The following POLR2F variants were observed in gnomAD, a reference collection of about 807,000 sequenced individuals.
The protein encoded by POLR2F is RNA polymerase II, I and III subunit F.
In POLR2F, 12 loss-of-function variants were observed where a neutral mutation model predicts 22.7. The observed-to-expected ratio is 0.53, with a 90% CI of 0.34 to 0.86. The LOEUF (loss-of-function observed/expected upper bound fraction) is 0.86. Ranked by LOEUF, POLR2F falls within the 40% of genes least tolerant of loss-of-function variation. The pLI, the probability that POLR2F is intolerant of heterozygous loss-of-function variation, is 0.02. For synonymous variants in POLR2F, 57 were observed against 66.0 expected (o/e 0.86, Z 0.66); for missense variants, 126 against 171.5 (o/e 0.73, Z 1.48).
At chr22:37,961,281 C>CTCAGCCTCAAGTGATTCT (rs1237891125) in intron 3 of POLR2F, among the ~76,000 whole-genome samples, 1 of 152,128 alleles carries the variant, frequency 6.6e-6, no homozygotes, top group East Asian at 1.9e-4. Flanking sequence ...TGGTCTTGAA[C>CTCAGCCTCAAGTGATTCT]TCAGCCTCAA....
At chr22:37,963,983 T>A (rs1931751745) in intron 3 of POLR2F, among the ~76,000 whole-genome samples, 1 of 151,706 alleles carries the variant, frequency 6.6e-6, no homozygotes, top group Non-Finnish European at 1.5e-5. Context: ...GCGCCTATAA[T>A]CCCAGCTACT....
chr22:37,983,199 G>C (rs976544962), upstream of POLR2F, among the ~76,000 whole-genome samples: 2 of 152,244 alleles, frequency 1.3e-5, no homozygotes, highest in African/African-American at 4.8e-5. The surrounding 1 kb of genome is among the most constrained non-coding windows in gnomAD (Gnocchi z 9.5). Flanking sequence ...CCTTGTGATG[G>C]AAGGGCGGGC....
downstream of POLR2F, chr22:37,970,934 G>A (rs889254718): frequency 2.3e-5 from 6 of 261,412 alleles, no homozygotes; most frequent in Admixed American, 1.0e-4. Context: ...TCGGGGTTTC[G>A]GTTACCATCC....
At chr22:37,986,018 TC>T, upstream of POLR2F, 2 of 780,858 alleles carry the variant, frequency 2.6e-6, no homozygotes, top group East Asian at 5.8e-5. The surrounding 1 kb of genome is among the most constrained non-coding windows in gnomAD (Gnocchi z 4.7). Context: ...CCAACCCTCC[TC>T]CCCCCGCCTC....
intron 1 of POLR2F, among the ~76,000 whole-genome samples, chr22:38,009,455 C>G (rs1182537126): frequency 1.3e-5 from 2 of 152,242 alleles, no homozygotes; most frequent in Non-Finnish European, 2.9e-5. Flanking sequence ...GAGAAGTACA[C>G]AGTTTCCTGG....
chr22:37,998,527 C>T (rs2084738679), intron 1 of POLR2F, among the ~76,000 whole-genome samples: 1 of 152,230 alleles, frequency 6.6e-6, no homozygotes. Context: ...TTGGGGTGGT[C>T]CTGCTGTCCC....
intron 1 of POLR2F, among the ~76,000 whole-genome samples, chr22:38,023,878 G>A (rs1039777117): frequency 3.6e-5 from 5 of 138,504 alleles, no homozygotes; most frequent in Admixed American, 8.0e-5. Context: ...TTCTCACTGC[G>A]TTGCCCAGGC....
intron 1 of POLR2F, among the ~76,000 whole-genome samples, chr22:38,019,665 C>A (rs185407001): frequency 5.9e-5 from 9 of 152,344 alleles, no homozygotes; most frequent in African/African-American, 2.2e-4. Flanking sequence ...AGGTGGCATT[C>A]CCTCCTCACG....
At chr22:37,967,029 A>G in intron 3 of POLR2F, 70 bp from the exon 4 acceptor site, 1 of 1,156,280 alleles carries the variant, frequency 8.6e-7, no homozygotes, top group Non-Finnish European at 1.2e-6. Flanking sequence ...ATGCCGTTCC[A>G]CCCTCACTGC....
chr22:38,021,782 C>T (rs1292566283), intron 1 of POLR2F, among the ~76,000 whole-genome samples: 1 of 151,832 alleles, frequency 6.6e-6, no homozygotes, highest in Admixed American at 6.6e-5. Context: ...GCGTCCTTCT[C>T]AGTAAAAATG....
chr22:37,983,743 G>C (rs530570020), upstream of POLR2F: 2 of 1,484,230 alleles, frequency 1.3e-6, no homozygotes, highest in Non-Finnish European at 1.8e-6. This position sits in a 1 kb window ranked among gnomAD's most constrained non-coding sequence, Gnocchi z 9.5. Context: ...CCGAGCCCAC[G>C]GGGCTCAGCT....
Position 38,023,982 on chromosome 22 carries a change from T to C in POLR2F, c.121-1887T>C, listed in dbSNP as rs190021228. 6.6e-5 allele frequency among the ~76,000 whole-genome samples: 10 copies of C among 152,016 alleles called. No individual in the cohort carries two copies. In the East Asian group the frequency reaches 1.7e-3, roughly 26 times the overall value. On this transcript the variant is annotated intron_variant, in intron 1 of 2. Coordinates refer to the POLR2F transcript ENST00000333418. ...TCAGCCTCCCGAGTAGCTGGAATTA[T>C]AGGTGCCTGCCACCATGCCCGGTTA... is the stretch of plus-strand genomic sequence containing the variant.
chr22:37,959,565 A>C, intron 3 of POLR2F, 89 bp downstream of exon 3: 1 of 1,433,458 alleles, frequency 7.0e-7, no homozygotes, highest in Non-Finnish European at 9.6e-7. Context: ...GGCACCTGAA[A>C]ACAGACTCTC....
At chr22:37,992,276 G>T (rs1932742721) in intron 1 of POLR2F, among the ~76,000 whole-genome samples, 1 of 152,144 alleles carries the variant, frequency 6.6e-6, no homozygotes, top group Non-Finnish European at 1.5e-5. Context: ...CTTAAGACAG[G>T]GTCTGGCACA....
chr22:37,959,376 TCTGGGGAGCGACCG>T lies in POLR2F; in HGVS notation c.123_136del (p.Glu43GlnfsTer69). ...CCAGGAGAATGTCGAGATCCTCCCC[TCTGGGGAGCGACCG>T]CAGGCCAACCAGAAGCGAATCACCA... On this transcript the variant is annotated frameshift_variant, in exon 3 of 5. Transcript: ENST00000442738. LOFTEE classifies it high-confidence loss of function. 1.2e-6 allele frequency: 2 copies of T among 1,613,820 alleles called. No individual in the cohort carries two copies. The highest frequency in any genetic ancestry group is 1.7e-6 in the Non-Finnish European group (2 of 1,179,716).
intron 1 of POLR2F, among the ~76,000 whole-genome samples, chr22:37,995,668 A>G (rs768901408): frequency 5.9e-5 from 9 of 152,048 alleles, no homozygotes; most frequent in Non-Finnish European, 1.3e-4. Context: ...GTGAGGACAG[A>G]ATGGGGGGTA....
At chr22:38,000,448 T>A (rs2084758803) in intron 1 of POLR2F, among the ~76,000 whole-genome samples, 1 of 152,098 alleles carries the variant, frequency 6.6e-6, no homozygotes. Flanking sequence ...TACTTATAGC[T>A]GGGGTGGGGA....
At chr22:37,974,217 G>T, downstream of POLR2F, 2 of 1,521,912 alleles carry the variant, frequency 1.3e-6, no homozygotes, top group Non-Finnish European at 1.8e-6. This position sits in a 1 kb window ranked among gnomAD's most constrained non-coding sequence, Gnocchi z 5.4. Context: ...AAGGGAGACA[G>T]AGAGAGAGAG....
intron 1 of POLR2F, among the ~76,000 whole-genome samples, chr22:37,989,547 G>A (rs954038688): frequency 1.3e-5 from 2 of 152,206 alleles, no homozygotes; most frequent in Admixed American, 6.5e-5. Flanking sequence ...CCTTAACAGC[G>A]AAGGCGACAC....
Sources: gnomAD v4.1 joint callset for allele counts (sites outside exome capture counted in the v4.1 genomes callset) on GRCh38, gnomAD v4.1.1 for gene constraint, Gnocchi (gnomAD v3.1) non-coding constraint, MANE v1.5 for transcripts, NCBI Gene and HGNC (gene_info 2026-07-23, HGNC 2026-07-21) for gene names.